The following DLG2 variants were observed in gnomAD, a reference collection of about 807,000 sequenced individuals.
The protein encoded by DLG2 is disks large homolog 2.
In DLG2, 45 loss-of-function variants were observed where a neutral mutation model predicts 132.5. The ratio of observed to expected loss-of-function variants is 0.34; its 90% confidence interval spans 0.27 to 0.44. The LOEUF (loss-of-function observed/expected upper bound fraction) is 0.44, where lower values mean the gene tolerates loss of function less well. Ranked by LOEUF, DLG2 falls within the 20% of genes least tolerant of loss-of-function variation. The pLI, the probability that DLG2 is intolerant of heterozygous loss-of-function variation, is 1.00. For missense variants in DLG2, 1,045 were observed against 1,196.9 expected, an observed-to-expected ratio of 0.87 and a Z score of 1.87; for synonymous variants, 424 against 419.6, an observed-to-expected ratio of 1.01 and a Z score of -0.13.
intron 3 of DLG2, among the ~76,000 whole-genome samples, chr11:85,583,130 G>A (rs34078677): frequency 0.071 from 941 of 13,306 alleles, 39 homozygotes; most frequent in Non-Finnish European, 0.095. Context: ...GTGTGTGTGT[G>A]TATATATATA....
At chr11:85,085,386 A>G (rs1253740974) in intron 6 of DLG2, among the ~76,000 whole-genome samples, 1 of 152,132 alleles carries the variant, frequency 6.6e-6, no homozygotes, top group Admixed American at 6.5e-5. Context: ...ACTCCTCTAA[A>G]TATCTGCAGA....
At chr11:84,673,620 AAAAT>A (rs1210034879) in intron 6 of DLG2, among the ~76,000 whole-genome samples, 3 of 150,940 alleles carry the variant, frequency 2.0e-5, no homozygotes, top group Non-Finnish European at 4.4e-5. Flanking sequence ...AAAAAAAATT[AAAAT>A]AAATAAATAA....
intron 6 of DLG2, among the ~76,000 whole-genome samples, chr11:85,101,739 C>T (rs617236): frequency 0.69 from 105,320 of 151,932 alleles, 37,393 homozygotes; most frequent in East Asian, 0.93. Flanking sequence ...AGCTCTGTCA[C>T]GAAACCATCT....
At position 84,583,072 on chromosome 11, in the gene DLG2, G is replaced by T. The variant is rs187875553; in HGVS notation, c.358-48341C>A. Among the ~76,000 whole-genome samples the T allele has an allele frequency of 4.9e-4, 74 of 152,254 alleles. 1 individual carries two copies. The highest frequency in any genetic ancestry group is 7.2e-4 in the Non-Finnish European group (49 of 67,976). ...TTCCTTTTGAGGTCTATTCTAACCT[G>T]ATGATTTTGTCATTTTTATGCTTCA... is the stretch of plus-strand genomic sequence containing the variant. On this transcript the variant is annotated intron_variant, in intron 6 of 27. Transcript: ENST00000376104.
chr11:83,718,642 A>T (rs1004281749), intron 18 of DLG2, among the ~76,000 whole-genome samples: 15 of 151,704 alleles, frequency 9.9e-5, no homozygotes, highest in African/African-American at 3.6e-4. Flanking sequence ...TGGGTTTCTT[A>T]TTTTAGCGAG....
chr11:84,070,422 A>C (rs750628689), intron 10 of DLG2, among the ~76,000 whole-genome samples: 1 of 152,220 alleles, frequency 6.6e-6, no homozygotes, highest in South Asian at 2.1e-4. Context: ...TTGCAAATAC[A>C]TGGCAGATTC....
intron 7 of DLG2, among the ~76,000 whole-genome samples, chr11:84,277,063 G>A (rs766293182): frequency 3.3e-5 from 5 of 152,138 alleles, no homozygotes; most frequent in South Asian, 2.1e-4. Context: ...GACTTGTTGC[G>A]TTGAGAAGAC....
At chr11:85,265,110 A>G (rs2077138625) in intron 4 of DLG2, among the ~76,000 whole-genome samples, 1 of 152,146 alleles carries the variant, frequency 6.6e-6, no homozygotes, top group Non-Finnish European at 1.5e-5. Context: ...ACATTCCTCA[A>G]TATTTTTCTT....
chr11:84,861,887 G>A (rs1019726909), intron 6 of DLG2, among the ~76,000 whole-genome samples: 7 of 151,842 alleles, frequency 4.6e-5, no homozygotes, highest in African/African-American at 1.7e-4. Flanking sequence ...TCCTTTGTAG[G>A]GACATGGATG....
intron 6 of DLG2, among the ~76,000 whole-genome samples, chr11:84,550,293 T>A (rs2099399407): frequency 1.3e-5 from 2 of 152,302 alleles, no homozygotes; most frequent in African/African-American, 2.4e-5. Flanking sequence ...TAAAATGAGC[T>A]GCTAAGGCCT....
intron 6 of DLG2, among the ~76,000 whole-genome samples, chr11:84,736,300 GTTC>G (rs1342900952): frequency 1.3e-5 from 2 of 151,246 alleles, no homozygotes; most frequent in African/African-American, 4.9e-5. Flanking sequence ...AAACAACTTT[GTTC>G]TTCTTTGATC....
chr11:84,771,993 C>T (rs1294169182), intron 6 of DLG2, among the ~76,000 whole-genome samples: 1 of 152,056 alleles, frequency 6.6e-6, no homozygotes, highest in Non-Finnish European at 1.5e-5. Context: ...AAATAATATA[C>T]CATCTGCAGT....
intron 3 of DLG2, among the ~76,000 whole-genome samples, chr11:85,589,392 T>C (rs927475985): frequency 6.6e-6 from 1 of 152,156 alleles, no homozygotes; most frequent in Non-Finnish European, 1.5e-5. Context: ...AGATAAGTGT[T>C]CAGGTTTCTC....
At chr11:84,099,103 C>T in intron 9 of DLG2, 56 bp from the exon 10 acceptor site, 7 of 1,500,190 alleles carry the variant, frequency 4.7e-6, no homozygotes, top group Non-Finnish European at 6.5e-6. Context: ...AAACCTAGTT[C>T]CTCTTGCACT....
At chr11:84,780,395 A>G (rs1175148568) in intron 6 of DLG2, among the ~76,000 whole-genome samples, 1 of 152,140 alleles carries the variant, frequency 6.6e-6, no homozygotes, top group Non-Finnish European at 1.5e-5. Context: ...AATATAGGCC[A>G]TATATAATAT....
intron 6 of DLG2, among the ~76,000 whole-genome samples, chr11:84,948,320 C>CT (rs900792319): frequency 7.3e-5 from 11 of 151,578 alleles, no homozygotes; most frequent in East Asian, 1.9e-4. Flanking sequence ...TCTCTAGCTT[C>CT]TTTTTTTTTG....
At chr11:85,021,717 T>C (rs1158484415) in intron 6 of DLG2, 25 of 792,696 alleles carry the variant, frequency 3.2e-5, no homozygotes, top group South Asian at 1.6e-4. Flanking sequence ...AAAAATCCCA[T>C]AGGAGTGAGG....
chr11:84,743,271 T>C (rs1232424992), intron 6 of DLG2, among the ~76,000 whole-genome samples: 1 of 152,184 alleles, frequency 6.6e-6, no homozygotes, highest in Non-Finnish European at 1.5e-5. Context: ...AGAAAATTCA[T>C]ATCTATTAAC....
At chr11:85,131,379 G>T (rs535576924) in intron 5 of DLG2, among the ~76,000 whole-genome samples, 1 of 152,054 alleles carries the variant, frequency 6.6e-6, no homozygotes, top group African/African-American at 2.4e-5. Context: ...AACACAAGTA[G>T]ATCAGATTTG....
Sources: allele counts gnomAD v4.1 joint callset (sites outside exome capture counted in the v4.1 genomes callset), GRCh38; gene constraint gnomAD v4.1.1; transcripts MANE v1.5; gene names NCBI Gene and HGNC (gene_info 2026-07-23, HGNC 2026-07-21).